The following GRIA1 variants were observed in gnomAD, a reference collection of about 807,000 sequenced individuals.
GRIA1 encodes glutamate receptor 1.
A neutral mutation model predicts 99.2 loss-of-function variants in GRIA1; 31 were observed. That is an observed-to-expected ratio of 0.31 (90% CI 0.23 to 0.42). GRIA1 has a LOEUF of 0.42. Ranked by LOEUF, GRIA1 falls within the 10% of genes least tolerant of loss-of-function variation. GRIA1 has a pLI of 1.00. For missense variants in GRIA1, 782 were observed against 1,157.5 expected, an observed-to-expected ratio of 0.68 and a Z score of 4.71; for synonymous variants, 438 against 432.4, an observed-to-expected ratio of 1.01 and a Z score of -0.16.
At chr5:153,611,833 C>G (rs1493384) in intron 2 of GRIA1, among the ~76,000 whole-genome samples, 4 of 152,334 alleles carry the variant, frequency 2.6e-5, no homozygotes, top group African/African-American at 9.6e-5. Flanking sequence ...GTTCTCTCAC[C>G]GGCTCATTTG....
At chr5:153,527,481 T>C (rs1359374261) in intron 2 of GRIA1, among the ~76,000 whole-genome samples, 2 of 152,196 alleles carry the variant, frequency 1.3e-5, no homozygotes, top group African/African-American at 4.8e-5. Context: ...GATTAAGGAA[T>C]ATCTAAAACC....
At chr5:153,773,553 G>A (rs1764022376) in intron 13 of GRIA1, among the ~76,000 whole-genome samples, 1 of 152,114 alleles carries the variant, frequency 6.6e-6, no homozygotes, top group Non-Finnish European at 1.5e-5. Flanking sequence ...CTGCTTTTAT[G>A]GATTTGCTTG....
In GRIA1 at chr5:153,731,629, A is replaced by C. The variant is rs114088272; in HGVS notation, c.1823+25562A>C. Among the ~76,000 whole-genome samples the C allele has an allele frequency of 7.2e-3, 1,089 of 152,230 alleles. 18 individuals carry two copies. The highest frequency in any genetic ancestry group is 0.025 in the African/African-American group (1,029 of 41,534). ...GGTACAATTGACAAATAAAAATTAT[A>C]TATATTTAAGGTATACAACATGATG... On this transcript the variant is annotated intron_variant, in intron 11 of 15. Transcript: ENST00000285900.
At chr5:153,493,004 C>T (rs762682774) in intron 1 of GRIA1, among the ~76,000 whole-genome samples, 1 of 152,202 alleles carries the variant, frequency 6.6e-6, no homozygotes, top group Non-Finnish European at 1.5e-5. Flanking sequence ...TCTATGTAAA[C>T]ATCATTATAG....
intron 2 of GRIA1, 49 bp from the exon 3 acceptor site, chr5:153,646,879 G>T: frequency 1.3e-6 from 2 of 1,599,624 alleles, no homozygotes; most frequent in South Asian, 2.3e-5. Context: ...GGAGTCATCT[G>T]ACCACTTTTT....
chr5:153,562,242 T>C (rs1431646759), intron 2 of GRIA1, among the ~76,000 whole-genome samples: 1 of 152,086 alleles, frequency 6.6e-6, no homozygotes, highest in Non-Finnish European at 1.5e-5. Flanking sequence ...AGAGCTATGC[T>C]CCAAAAAGAT....
At chr5:153,670,149 A>G (rs1383881416) in intron 5 of GRIA1, among the ~76,000 whole-genome samples, 4 of 152,228 alleles carry the variant, frequency 2.6e-5, no homozygotes, top group African/African-American at 9.6e-5. Context: ...GCATTTAATA[A>G]TGACAGTAGA....
intron 1 of GRIA1, among the ~76,000 whole-genome samples, chr5:153,492,019 T>C (rs1753960069): frequency 6.6e-6 from 1 of 152,186 alleles, no homozygotes; most frequent in Non-Finnish European, 1.5e-5. Context: ...GTCGTTTGTG[T>C]CCCGGAATGA....
chr5:153,593,573 T>TTTGC (rs750286086), intron 2 of GRIA1, among the ~76,000 whole-genome samples: 1 of 151,166 alleles, frequency 6.6e-6, no homozygotes, highest in African/African-American at 2.5e-5. Flanking sequence ...TTTTTGTTTG[T>TTTGC]TTGCTTGCTT....
At chr5:153,724,985 G>C (rs1170713691) in intron 11 of GRIA1, among the ~76,000 whole-genome samples, 1 of 152,122 alleles carries the variant, frequency 6.6e-6, no homozygotes, top group Non-Finnish European at 1.5e-5. Flanking sequence ...AAATGTTAAG[G>C]GCAGCCAGAG....
chr5:153,697,377 T>C (rs1446286570), intron 8 of GRIA1, among the ~76,000 whole-genome samples: 1 of 152,194 alleles, frequency 6.6e-6, no homozygotes, highest in Non-Finnish European at 1.5e-5. Flanking sequence ...TTGTGCACAA[T>C]AGCAGTTCAA....
intron 7 of GRIA1, among the ~76,000 whole-genome samples, chr5:153,685,156 T>C (rs1233535693): frequency 6.6e-6 from 1 of 152,182 alleles, no homozygotes. Context: ...TTGTAACAAG[T>C]AGACACCTCA....
intron 2 of GRIA1, among the ~76,000 whole-genome samples, chr5:153,506,479 G>A (rs775150323): frequency 2.0e-5 from 3 of 152,124 alleles, no homozygotes; most frequent in Non-Finnish European, 4.4e-5. Context: ...TGAAGGAAAT[G>A]TTAAATTGAA....
chr5:153,548,406 G>A (rs1759804810), intron 2 of GRIA1, among the ~76,000 whole-genome samples: 1 of 152,130 alleles, frequency 6.6e-6, no homozygotes, highest in Non-Finnish European at 1.5e-5. Context: ...GGTCTGCAAG[G>A]CGAATGGTGT....
At chr5:153,551,096 TGTAA>T (rs1402243132) in intron 2 of GRIA1, among the ~76,000 whole-genome samples, 4 of 152,110 alleles carry the variant, frequency 2.6e-5, no homozygotes, top group African/African-American at 9.7e-5. Flanking sequence ...TCAAGAGTCA[TGTAA>T]GTGTTGATTA....
In GRIA1 at chr5:153,622,984, G is replaced by A. The variant is rs190620321; in HGVS notation, c.221-23944G>A. On this transcript the variant is annotated intron_variant, in intron 2 of 15. Transcript: ENST00000285900. ...AAATTTAGACCTCTGTAGAGTGAGA[G>A]GAGTTGATCACTTTAGAGTGGAGAA... Among the ~76,000 whole-genome samples, 68 of 152,302 alleles carry A rather than the reference G, an allele frequency of 4.5e-4. 1 individual carries two copies. The highest frequency in any genetic ancestry group is 6.8e-3 in the Middle Eastern group (2 of 294).
chr5:153,552,319 C>T (rs946765546), intron 2 of GRIA1, among the ~76,000 whole-genome samples: 5 of 152,050 alleles, frequency 3.3e-5, no homozygotes, highest in Non-Finnish European at 7.4e-5. Flanking sequence ...ATGCTGGCCA[C>T]GTCCTGTAAG....
chr5:153,673,715 A>C (rs1471926385), intron 5 of GRIA1, among the ~76,000 whole-genome samples: 1 of 152,246 alleles, frequency 6.6e-6, no homozygotes, highest in Admixed American at 6.5e-5. Flanking sequence ...AACTGAAATG[A>C]GGCCATAGAT....
At chr5:153,541,948 AAAAAC>A (rs1759159218) in intron 2 of GRIA1, among the ~76,000 whole-genome samples, 1 of 149,764 alleles carries the variant, frequency 6.7e-6, no homozygotes, top group Admixed American at 6.6e-5. Flanking sequence ...AAAAAAAAAA[AAAAAC>A]AAGAAAAGTG....
Sources: gnomAD v4.1 joint callset for allele counts (sites outside exome capture counted in the v4.1 genomes callset) on GRCh38, gnomAD v4.1.1 for gene constraint, MANE v1.5 for transcripts, NCBI Gene and HGNC (gene_info 2026-07-23, HGNC 2026-07-21) for gene names.